Variants in C16orf74 observed in about 807,000 individuals in gnomAD.
C16orf74 encodes calcimembrin.
In C16orf74, 10 loss-of-function variants were observed where a neutral mutation model predicts 6.5. The observed-to-expected ratio is 1.54, with a 90% CI of 0.95 to 2.61. C16orf74 has a LOEUF of 2.61. Among genes scored for constraint, C16orf74 ranks in the 30% most tolerant of loss-of-function variants. The probability of loss-of-function intolerance (pLI) is 0.00; values close to 1 mark genes in which losing one functional copy is unlikely to be tolerated. For synonymous variants in C16orf74, 60 were observed against 42.5 expected (o/e 1.41, Z -1.60); for missense variants, 141 against 105.9 (o/e 1.33, Z -1.45).
chr16:85,708,705 T>C (rs2053937543), intron 3 of C16orf74, among the ~76,000 whole-genome samples: 3 of 152,212 alleles, frequency 2.0e-5, no homozygotes. Flanking sequence ...CCACCATGGC[T>C]CCACCCAGCA....
At chr16:85,715,118 C>T (rs1027282598) in intron 2 of C16orf74, among the ~76,000 whole-genome samples, 1 of 149,396 alleles carries the variant, frequency 6.7e-6, no homozygotes, top group African/African-American at 2.5e-5. Flanking sequence ...GATCACGCCA[C>T]TGCACTCCAG....
chr16:85,734,321 T>C (rs1415822939), intron 2 of C16orf74, among the ~76,000 whole-genome samples: 1 of 152,148 alleles, frequency 6.6e-6, no homozygotes, highest in African/African-American at 2.4e-5. Flanking sequence ...CTGAGGCCCT[T>C]GATCTAGGTC....
chr16:85,737,397 C>A (rs1166267442), intron 1 of C16orf74, among the ~76,000 whole-genome samples: 2 of 152,296 alleles, frequency 1.3e-5, no homozygotes, highest in African/African-American at 4.8e-5. Context: ...CACCCAGGAG[C>A]TTTACAAAAT....
At chr16:85,729,816 TG>T (rs1384395855) in intron 2 of C16orf74, among the ~76,000 whole-genome samples, 8 of 152,044 alleles carry the variant, frequency 5.3e-5, no homozygotes, top group Non-Finnish European at 1.2e-4. Context: ...TATCAGAAGC[TG>T]GAAGAGGCAG....
intron 2 of C16orf74, among the ~76,000 whole-genome samples, chr16:85,726,315 G>C (rs1410404199): frequency 6.6e-6 from 1 of 152,354 alleles, no homozygotes; most frequent in East Asian, 1.9e-4. Context: ...CTGGCATGCA[G>C]CAGGTACTCA....
intron 1 of C16orf74, 55 bp downstream of exon 1, chr16:85,750,871 G>C (rs920316201): frequency 3.3e-5 from 5 of 151,892 alleles, no homozygotes; most frequent in African/African-American, 1.2e-4. Flanking sequence ...GCGTTGCTCG[G>C]GGAAGGCGGG....
intron 2 of C16orf74, among the ~76,000 whole-genome samples, chr16:85,717,662 T>C (rs2054038436): frequency 6.6e-6 from 1 of 152,230 alleles, no homozygotes; most frequent in African/African-American, 2.4e-5. Flanking sequence ...GGCTCTGGGC[T>C]GAGCCTGCCA....
chr16:85,748,583 G>T (rs2054400119), intron 1 of C16orf74, among the ~76,000 whole-genome samples: 1 of 152,136 alleles, frequency 6.6e-6, no homozygotes, highest in Non-Finnish European at 1.5e-5. Flanking sequence ...GGGTGACAGA[G>T]CAAGACTGTC....
intron 2 of C16orf74, among the ~76,000 whole-genome samples, chr16:85,712,497 C>T (rs759920993): frequency 2.6e-5 from 4 of 152,196 alleles, no homozygotes; most frequent in Non-Finnish European, 5.9e-5. Flanking sequence ...AACCTTTGTT[C>T]ACCCAAGGGG....
intron 3 of C16orf74, among the ~76,000 whole-genome samples, chr16:85,709,109 C>G (rs1364286942): frequency 6.6e-6 from 1 of 152,210 alleles, no homozygotes; most frequent in African/African-American, 2.4e-5. Context: ...AATCCCAGCA[C>G]TTTGGGAGGC....
At chr16:85,742,489 C>T (rs1001163801) in intron 1 of C16orf74, among the ~76,000 whole-genome samples, 1 of 152,148 alleles carries the variant, frequency 6.6e-6, no homozygotes, top group Admixed American at 6.5e-5. Context: ...GCCTGAGGCC[C>T]TCACCATCCT....
intron 2 of C16orf74, among the ~76,000 whole-genome samples, chr16:85,713,962 G>A (rs538723421): frequency 6.6e-6 from 1 of 152,318 alleles, no homozygotes; most frequent in East Asian, 1.9e-4. Flanking sequence ...CCATAACCGG[G>A]AATCAGAGCC....
At chr16:85,749,951 C>G (rs2054418152) in intron 1 of C16orf74, among the ~76,000 whole-genome samples, 1 of 152,266 alleles carries the variant, frequency 6.6e-6, no homozygotes, top group Admixed American at 6.5e-5. Flanking sequence ...GCGGTGGGGG[C>G]GCAGAACCCA....
At chr16:85,740,876 C>G (rs1045920300) in intron 1 of C16orf74, among the ~76,000 whole-genome samples, 8 of 148,468 alleles carry the variant, frequency 5.4e-5, no homozygotes, top group African/African-American at 2.0e-4. Flanking sequence ...CGTGTCTGGG[C>G]TCAAGAGTCA....
intron 1 of C16orf74, among the ~76,000 whole-genome samples, chr16:85,738,232 G>C (rs112118283): frequency 1.3e-5 from 2 of 151,748 alleles, no homozygotes; most frequent in African/African-American, 4.8e-5. Flanking sequence ...GTGACAGCAA[G>C]AGCCTGTCTC....
chr16:85,707,766 G>C lies in C16orf74; in HGVS notation c.*242C>G. ...TGGCGCTCCCTTTCACCAGGCCGGA[G>C]TCAGCAAGAACCTGGAGGTGTCAGA... On this transcript the variant is annotated 3_prime_UTR_variant, in exon 4 of 4. Coordinates refer to ENST00000284245, the MANE Select transcript of C16orf74 (RefSeq NM_206967.3). 1 of 540,282 alleles carries C rather than the reference G, an allele frequency of 1.9e-6. No homozygotes were observed. The highest frequency in any genetic ancestry group is 3.3e-6 in the Non-Finnish European group (1 of 303,192). 33.5% of individuals were successfully genotyped at this position (540,282 alleles called of 1,614,324 possible).
intron 2 of C16orf74, among the ~76,000 whole-genome samples, chr16:85,713,222 A>G (rs373935): frequency 0.68 from 103,580 of 151,516 alleles, 36,475 homozygotes; most frequent in East Asian, 0.84. Context: ...CCCCATCTCT[A>G]CCTCTTGCCT....
intron 2 of C16orf74, 135 bp from the exon 3 acceptor site, chr16:85,710,442 G>A (rs368866028): frequency 1.4e-6 from 1 of 732,102 alleles, no homozygotes; most frequent in Non-Finnish European, 2.1e-6. Flanking sequence ...AAGGAGCGCA[G>A]CTGTCCCCGC....
chr16:85,731,990 C>T (rs185660877), intron 2 of C16orf74, among the ~76,000 whole-genome samples: 23 of 152,340 alleles, frequency 1.5e-4, no homozygotes, highest in African/African-American at 5.3e-4. Flanking sequence ...CGTGCAGCCC[C>T]GCAGATGTAA....
Sources: allele counts gnomAD v4.1 joint callset (sites outside exome capture counted in the v4.1 genomes callset), GRCh38; gene constraint gnomAD v4.1.1; transcripts MANE v1.5; gene names NCBI Gene and HGNC (gene_info 2026-07-23, HGNC 2026-07-21).